CNTN5: variants seen among roughly 807,000 people sequenced by gnomAD.
CNTN5 encodes contactin 5, also known as contactin-5.
Under a neutral mutation model 129.1 loss-of-function variants are expected in CNTN5, and 77 were observed. The ratio of observed to expected loss-of-function variants is 0.60; its 90% CI spans 0.50 to 0.72. The LOEUF (loss-of-function observed/expected upper bound fraction) is 0.72, where lower values mean the gene tolerates loss of function less well. CNTN5 is among the 30% of genes least tolerant of loss of function. CNTN5 has a pLI of 0.00. For missense variants in CNTN5, 1,478 were observed against 1,328.8 expected, an observed-to-expected ratio of 1.11 and a Z score of -1.75; for synonymous variants, 509 against 465.6, an observed-to-expected ratio of 1.09 and a Z score of -1.20.
chr11:99,457,185 CT>C (rs1296666531), intron 2 of CNTN5, among the ~76,000 whole-genome samples: 2 of 151,790 alleles, frequency 1.3e-5, no homozygotes, highest in Non-Finnish European at 2.9e-5. Context: ...AAAATATTAT[CT>C]GTCTTTAGTA....
chr11:99,166,246 C>T (rs770941560), intron 1 of CNTN5, among the ~76,000 whole-genome samples: 8 of 151,748 alleles, frequency 5.3e-5, no homozygotes, highest in Admixed American at 1.3e-4. Flanking sequence ...ACTAAATATA[C>T]AAAAAATTAG....
At chr11:99,209,024 TA>T (rs1565404347) in intron 1 of CNTN5, among the ~76,000 whole-genome samples, 2 of 152,144 alleles carry the variant, frequency 1.3e-5, no homozygotes, top group Non-Finnish European at 2.9e-5. Flanking sequence ...GTTGCAAATA[TA>T]AAATCTATTT....
intron 13 of CNTN5, among the ~76,000 whole-genome samples, chr11:100,144,857 A>C (rs1946799999): frequency 2.0e-5 from 3 of 151,886 alleles, no homozygotes; most frequent in African/African-American, 7.3e-5. Flanking sequence ...TTCAGAATTC[A>C]GTGTGCTAGT....
intron 1 of CNTN5, among the ~76,000 whole-genome samples, chr11:99,239,674 G>T (rs372552746): frequency 6.6e-6 from 1 of 152,168 alleles, no homozygotes; most frequent in African/African-American, 2.4e-5. Context: ...GGTGGCTCAC[G>T]CCTGTAATCC....
intron 3 of CNTN5, among the ~76,000 whole-genome samples, chr11:99,685,474 T>C (rs534734761): frequency 6.6e-6 from 1 of 152,074 alleles, no homozygotes; most frequent in Non-Finnish European, 1.5e-5. Flanking sequence ...ATTCCACTGT[T>C]GTTGTCAATT....
chr11:99,034,622 T>G (rs1031214793), intron 1 of CNTN5, among the ~76,000 whole-genome samples: 7 of 151,138 alleles, frequency 4.6e-5, no homozygotes, highest in Non-Finnish European at 8.8e-5. Context: ...GATAACCCCT[T>G]TATCATTTTT....
chr11:99,228,995 A>C (rs1860839127), intron 1 of CNTN5, among the ~76,000 whole-genome samples: 1 of 151,904 alleles, frequency 6.6e-6, no homozygotes, highest in African/African-American at 2.4e-5. Flanking sequence ...GTTTCTAATG[A>C]TACCATTTGG....
At chr11:99,988,302 T>A (rs1040269781) in intron 8 of CNTN5, among the ~76,000 whole-genome samples, 14 of 152,234 alleles carry the variant, frequency 9.2e-5, no homozygotes, top group African/African-American at 3.4e-4. Context: ...AAACAACTCA[T>A]TTGTCACGTT....
intron 16 of CNTN5, among the ~76,000 whole-genome samples, chr11:100,238,978 G>A (rs868127743): frequency 4.6e-5 from 7 of 152,278 alleles, no homozygotes; most frequent in Middle Eastern, 3.4e-3. Flanking sequence ...AGATTGGCAC[G>A]TTGATAGGCT....
intron 1 of CNTN5, among the ~76,000 whole-genome samples, chr11:99,151,359 C>G (rs888012739): frequency 1.3e-5 from 2 of 152,074 alleles, no homozygotes; most frequent in Middle Eastern, 3.2e-3. Context: ...TTCTTTAAAT[C>G]ATGTTATACT....
At chr11:99,819,023 A>C (rs1946684964) in intron 3 of CNTN5, among the ~76,000 whole-genome samples, 1 of 152,018 alleles carries the variant, frequency 6.6e-6, no homozygotes, top group Non-Finnish European at 1.5e-5. Flanking sequence ...CTACATAATA[A>C]ATTTTAGTAA....
At chr11:100,018,845 T>C (rs932274451) in intron 9 of CNTN5, among the ~76,000 whole-genome samples, 2 of 152,002 alleles carry the variant, frequency 1.3e-5, no homozygotes, top group African/African-American at 4.8e-5. Context: ...TTGGTTAATC[T>C]GTAATTATGC....
At chr11:99,730,749 C>G (rs1299137672) in intron 3 of CNTN5, among the ~76,000 whole-genome samples, 1 of 152,144 alleles carries the variant, frequency 6.6e-6, no homozygotes, top group Non-Finnish European at 1.5e-5. Context: ...ATGGTCAAAT[C>G]AGGGTATTTA....
intron 3 of CNTN5, among the ~76,000 whole-genome samples, chr11:99,655,735 A>G (rs187458489): frequency 1.2e-4 from 19 of 152,210 alleles, no homozygotes; most frequent in African/African-American, 4.3e-4. Context: ...ACATACACCT[A>G]TACACACACA....
chr11:99,402,058 A>G (rs754783650), intron 2 of CNTN5, among the ~76,000 whole-genome samples: 3 of 152,058 alleles, frequency 2.0e-5, no homozygotes, highest in Non-Finnish European at 4.4e-5. Context: ...GACGCACTTT[A>G]TATATTTCTT....
intron 18 of CNTN5, among the ~76,000 whole-genome samples, chr11:100,288,082 A>C (rs1416251885): frequency 1.3e-5 from 2 of 152,136 alleles, no homozygotes; most frequent in African/African-American, 4.8e-5. Flanking sequence ...TATGCACCCA[A>C]TACAGGAGCA....
chr11:100,079,230 T>C (rs1944266045), intron 13 of CNTN5, among the ~76,000 whole-genome samples: 1 of 152,148 alleles, frequency 6.6e-6, no homozygotes, highest in Admixed American at 6.6e-5. Flanking sequence ...CGTATTAATA[T>C]AATTTGTACC....
chr11:100,242,575 G>GAGTA (rs1949764152), intron 16 of CNTN5, among the ~76,000 whole-genome samples: 1 of 152,142 alleles, frequency 6.6e-6, no homozygotes, highest in Non-Finnish European at 1.5e-5. Context: ...GCCAGAGCAG[G>GAGTA]AGTAAGAGAG....
chr11:99,227,189 T>C lies in CNTN5; in HGVS notation c.-209-98157T>C, dbSNP rs187106362. On this transcript the variant is annotated intron_variant, in intron 1 of 24. Coordinates refer to ENST00000524871, the MANE Select transcript of CNTN5 (RefSeq NM_014361.4). ...TCCTGGGTAGCATGGTGAAACCCCG[T>C]CTGTACTAAAAATACAAAAAATTAG... is the stretch of plus-strand genomic sequence containing the variant. Among the ~76,000 whole-genome samples the C allele has an allele frequency of 9.9e-5, 15 of 151,940 alleles. 1 individual carries two copies. Among genetic ancestry groups the C allele is most frequent in the Admixed American group, 9.2e-4 (14 of 15,240 alleles).
Sources: gnomAD v4.1 joint callset for allele counts (sites outside exome capture counted in the v4.1 genomes callset) on GRCh38, gnomAD v4.1.1 for gene constraint, MANE v1.5 for transcripts, NCBI Gene and HGNC (gene_info 2026-07-23, HGNC 2026-07-21) for gene names.